Variants in PHKB observed in about 807,000 individuals in gnomAD.
PHKB encodes the protein phosphorylase b kinase regulatory subunit beta.
PHKB carries 122 observed loss-of-function variants against 152.1 expected under a neutral mutation model. The observed-to-expected ratio is 0.80, with a 90% CI of 0.69 to 0.93. The LOEUF is 0.93. Among genes scored for constraint, PHKB ranks in the 40% least tolerant of loss-of-function variants. The pLI is 0.00. For synonymous variants in PHKB, 436 were observed against 464.9 expected, an observed-to-expected ratio of 0.94 and a Z score of 0.80; for missense variants, 1,304 against 1,328.4, an observed-to-expected ratio of 0.98 and a Z score of 0.29.
At chr16:47,529,405 TG>T (rs1157138363) in intron 6 of PHKB, 1 of 148,544 alleles carries the variant, frequency 6.7e-6, no homozygotes, top group Admixed American at 6.8e-5. Flanking sequence ...TAGGGTACAA[TG>T]GTGTGATATT....
intron 6 of PHKB, among the ~76,000 whole-genome samples, chr16:47,534,936 G>A (rs994429418): frequency 5.3e-5 from 8 of 152,196 alleles, no homozygotes; most frequent in Non-Finnish European, 8.8e-5. Flanking sequence ...TGAGGAATGA[G>A]TGAGGAAGAA....
chr16:47,668,611 CCTGTCCCAGG>C (rs1973580909), intron 25 of PHKB, among the ~76,000 whole-genome samples: 1 of 152,120 alleles, frequency 6.6e-6, no homozygotes, highest in Non-Finnish European at 1.5e-5. Flanking sequence ...TATGCTGTCT[CCTGTCCCAGG>C]CTGTGGGCAG....
chr16:47,654,734 T>C (rs909202640), intron 20 of PHKB, among the ~76,000 whole-genome samples: 4 of 146,218 alleles, frequency 2.7e-5, no homozygotes, highest in East Asian at 4.0e-4. Context: ...TTCTCACTCA[T>C]AGGTGCGAAT....
chr16:47,643,967 G>T (rs1226618349), intron 16 of PHKB, among the ~76,000 whole-genome samples: 1 of 152,094 alleles, frequency 6.6e-6, no homozygotes, highest in Non-Finnish European at 1.5e-5. Flanking sequence ...GTCTTTCGGT[G>T]CACTAAATGG....
At chr16:47,690,461 C>G (rs1974040303) in intron 27 of PHKB, among the ~76,000 whole-genome samples, 1 of 152,076 alleles carries the variant, frequency 6.6e-6, no homozygotes, top group South Asian at 2.1e-4. Flanking sequence ...CAACCAATGT[C>G]AGAAGATAAC....
chr16:47,669,168 C>T lies in PHKB; in HGVS notation c.2428-47C>T, dbSNP rs567033139. 1.2e-4 allele frequency: 181 copies of T among 1,451,384 alleles called. 1 individual carries two copies. In the South Asian group the frequency reaches 1.7e-3, roughly 13 times the overall value. The allele number at this position is 1,451,384 out of a possible 1,614,324, so 89.9% of individuals were successfully genotyped here. ...GCCTTGATTTTTTTTTAATTTTTAT[C>T]TTTTAGTAGCTAGGAGAATTTTACA... On this transcript the variant is annotated intron_variant, in intron 25 of 30. Coordinates refer to ENST00000323584, the MANE Select transcript of PHKB (RefSeq NM_000293.3).
chr16:47,671,160 A>G (rs1316089442), intron 26 of PHKB, among the ~76,000 whole-genome samples: 2 of 152,204 alleles, frequency 1.3e-5, no homozygotes, highest in Non-Finnish European at 2.9e-5. Context: ...CAATTGAATT[A>G]TGTTTGTCAA....
chr16:47,533,108 G>A (rs1970889829), intron 6 of PHKB, among the ~76,000 whole-genome samples: 1 of 152,140 alleles, frequency 6.6e-6, no homozygotes, highest in South Asian at 2.1e-4. Context: ...GGAGTTTCTG[G>A]AGTGGGTTGC....
At chr16:47,465,685 T>C (rs1452677489) in intron 1 of PHKB, among the ~76,000 whole-genome samples, 1 of 152,238 alleles carries the variant, frequency 6.6e-6, no homozygotes, top group Non-Finnish European at 1.5e-5. Flanking sequence ...GGTGTTAGGC[T>C]TAACTTTGCA....
chr16:47,698,223 A>G (rs571637881), intron 29 of PHKB, among the ~76,000 whole-genome samples: 19 of 152,218 alleles, frequency 1.2e-4, no homozygotes, highest in Non-Finnish European at 2.5e-4. Context: ...TATTTAACTG[A>G]TGAAAAAACA....
Position 47,594,152 on chromosome 16 carries a change from A to G in PHKB, c.1142A>G (p.Asn381Ser), listed in dbSNP as rs1972078401. ...TATATTTTAGGAGTTTTTAGAGGCA[A>G]TCCTAAGCAAGTACAGGAATATCAG... ...YMMIDGVFRGNPKQVQEYQDL... is the reference protein window; with the variant it reads ...YMMIDGVFRGSPKQVQEYQDL... The change falls in exon 12 of 31, where the codon AAT becomes AGT. Residue 381 changes from asparagine (N) to serine (S), a missense_variant. Physicochemically the swap from Asn to Ser is conservative, Grantham distance 46. Transcript: ENST00000323584. 3 of 1,546,674 alleles carry G rather than the reference A, an allele frequency of 1.9e-6. No individual in the cohort carries two copies. The highest frequency in any genetic ancestry group is 1.1e-5 in the South Asian group (1 of 89,638).
intron 23 of PHKB, among the ~76,000 whole-genome samples, chr16:47,662,185 C>T (rs1973457039): frequency 6.6e-6 from 1 of 152,196 alleles, no homozygotes; most frequent in Admixed American, 6.5e-5. Flanking sequence ...TTAGCTCTCT[C>T]ATGGTCTGCA....
intron 10 of PHKB, among the ~76,000 whole-genome samples, chr16:47,593,184 AGG>A (rs1228170569): frequency 8.7e-6 from 1 of 115,230 alleles, no homozygotes; most frequent in Non-Finnish European, 1.8e-5. Flanking sequence ...AGAGAGAGAG[AGG>A]GAGGGAGAGA....
rs1973193220 is a variant in PHKB, at chr16:47,649,327, C to T, written c.1797+123C>T. ...TGGGTTAACACAGTGTAAAGCATGA[C>T]AGTAAAACCACCTGCATAGCTTTGG... is the stretch of plus-strand genomic sequence containing the variant. On this transcript the variant is annotated intron_variant, in intron 18 of 30. Coordinates refer to ENST00000323584, the MANE Select transcript of PHKB (RefSeq NM_000293.3). The T allele has an allele frequency of 1.7e-5, 12 of 721,640 alleles. No individual in the cohort carries two copies. The East Asian group carries it at 2.9e-4, about 17-fold the overall frequency. The allele number at this position is 721,640 out of a possible 1,614,324, so 44.7% of individuals were successfully genotyped here.
At chr16:47,472,451 C>T (rs1969786649) in intron 1 of PHKB, among the ~76,000 whole-genome samples, 1 of 152,054 alleles carries the variant, frequency 6.6e-6, no homozygotes, top group South Asian at 2.1e-4. Flanking sequence ...CAATTTGAGA[C>T]TAGCCTGTGC....
intron 7 of PHKB, among the ~76,000 whole-genome samples, chr16:47,575,572 A>G (rs1015500166): frequency 2.0e-5 from 3 of 152,214 alleles, no homozygotes; most frequent in African/African-American, 7.2e-5. Flanking sequence ...ACTGGAGGCT[A>G]TTATCTTTAG....
intron 1 of PHKB, among the ~76,000 whole-genome samples, chr16:47,478,497 GA>G (rs1342076819): frequency 1.0e-5 from 1 of 97,194 alleles, no homozygotes; most frequent in Admixed American, 1.1e-4. Flanking sequence ...TGCTTTACCT[GA>G]AAAAAAGAAA....
Position 47,689,062 on chromosome 16 carries a change from G to A in PHKB, c.2652G>A (p.Glu884=). 2 of 1,614,040 alleles carry A rather than the reference G, an allele frequency of 1.2e-6. No homozygotes were observed. Among genetic ancestry groups the A allele is most frequent in the African/African-American group, 1.3e-5 (1 of 75,018 alleles). The part of the protein sequence containing the change: ...IRIGWIIHAM[E]YELQIRGGDK... The stretch of plus-strand genomic sequence containing the variant: ...TCAGGTGGATCATCCATGCCATGGA[G>A]TATGAACTTCAGATCCGTGGCGGAG... The change falls in exon 27 of 31, where the codon GAG becomes GAA. Residue 884 remains glutamate (E), a synonymous_variant. Coordinates refer to ENST00000323584, the MANE Select transcript of PHKB (RefSeq NM_000293.3).
At chr16:47,696,908 G>T (rs569493218) in intron 29 of PHKB, among the ~76,000 whole-genome samples, 40 of 152,264 alleles carry the variant, frequency 2.6e-4, no homozygotes, top group Admixed American at 2.5e-3. Context: ...TTATAGAAAA[G>T]AATATAAGTT....
Sources: allele counts gnomAD v4.1 joint callset (sites outside exome capture counted in the v4.1 genomes callset), GRCh38; gene constraint gnomAD v4.1.1; transcripts MANE v1.5; gene names NCBI Gene and HGNC (gene_info 2026-07-23, HGNC 2026-07-21).